The following CSNK1A1 variants were observed in gnomAD, a reference collection of about 807,000 sequenced individuals.
CSNK1A1 encodes the protein casein kinase 1 alpha 1, also known as casein kinase I isoform alpha.
CSNK1A1 carries 7 observed loss-of-function variants against 46.1 expected under a neutral mutation model. The observed-to-expected ratio is 0.15, with a 90% confidence interval of 0.09 to 0.29. The LOEUF is 0.29. Ranked by LOEUF, CSNK1A1 falls within the 10% of genes least tolerant of loss-of-function variation. CSNK1A1 has a pLI of 1.00. For synonymous variants in CSNK1A1, 137 were observed against 141.5 expected, an observed-to-expected ratio of 0.97 and a Z score of 0.23; for missense variants, 96 against 417.1, an observed-to-expected ratio of 0.23 and a Z score of 6.71.
intron 2 of CSNK1A1, among the ~76,000 whole-genome samples, chr5:149,539,927 G>A (rs1228179668): frequency 2.0e-5 from 3 of 152,036 alleles, no homozygotes; most frequent in African/African-American, 7.3e-5. Flanking sequence ...TGCAATGCCT[G>A]GATAATATTG....
rs149346325 is a variant in CSNK1A1, at chr5:149,495,744, TAAAAAAA to T, written c.*1102_*1108del. On this transcript the variant is annotated 3_prime_UTR_variant, in exon 10 of 10. Transcript: ENST00000377843. ...TACTAGATATTGTGCCTGCAAGTCATAAAAAAAAAAAAAAAAAAAGAAAAAAATGAAA... is the reference window on the plus strand; with the variant it reads ...TACTAGATATTGTGCCTGCAAGTCATAAAAAAAAAAAAGAAAAAAATGAAA... 3 of 92,750 alleles carry T rather than the reference TAAAAAAA, an allele frequency of 3.2e-5. No homozygotes were observed. Among genetic ancestry groups the T allele is most frequent in the Non-Finnish European group, 4.4e-5 (2 of 45,076 alleles). The allele number at this position is 92,750 out of a possible 1,614,324, so 5.7% of individuals were successfully genotyped here.
rs539134742 is a variant in CSNK1A1 at position 149,503,323 on chromosome 5, A to G, written c.1006+2124T>C. The G allele has an allele frequency of 4.1e-6, 4 of 985,414 alleles. No individual in the cohort carries two copies. The African/African-American group carries it at 5.2e-5, about 13-fold the overall frequency. The allele number at this position is 985,414 out of a possible 1,614,324, so 61.0% of individuals were successfully genotyped here. A position where few individuals can be genotyped will look rare whatever the true frequency, so the allele number is the denominator to read the frequency against. On this transcript the variant is annotated intron_variant, in intron 9 of 9. Transcript: ENST00000377843. ...ATGGTTTATGAGAGTTTCATGTAAG[A>G]TTTGTCTTGAGCACAAAGTTTTGTA...
In CSNK1A1 at chr5:149,520,391, G is replaced by A; in HGVS notation, c.358-3C>T. On this transcript the variant is annotated splice_polypyrimidine_tract_variant and splice_region_variant and intron_variant, in intron 3 of 9. Transcript: ENST00000377843. ...ACATATTCAATTCTACTGATCATCT[G>A]GAAAAAAAAGAAGGGAGAGATAATT... The A allele has an allele frequency of 6.5e-7, 1 of 1,531,790 alleles. No homozygotes were observed. Among genetic ancestry groups the A allele is most frequent in the Admixed American group, 1.8e-5 (1 of 56,370 alleles). The allele number at this position is 1,531,790 out of a possible 1,614,324, so 94.9% of individuals were successfully genotyped here.
At chr5:149,505,727 A>G (rs542273175) in intron 8 of CSNK1A1, 132 bp from the exon 9 acceptor site, 8 of 710,328 alleles carry the variant, frequency 1.1e-5, no homozygotes, top group African/African-American at 1.1e-4. Context: ...AGCTTCTAAA[A>G]TATTTCTTAT....
chr5:149,546,631 CAA>C (rs1184175774), intron 2 of CSNK1A1, among the ~76,000 whole-genome samples: 11 of 110,246 alleles, frequency 1.0e-4, no homozygotes, highest in Middle Eastern at 5.7e-3. Context: ...GACTCCATGT[CAA>C]AAAAAAAAAA....
chr5:149,545,651 T>C, intron 2 of CSNK1A1: 6 of 887,362 alleles, frequency 6.8e-6, no homozygotes, highest in Middle Eastern at 3.5e-4. Context: ...GCAAGTGCAC[T>C]CATTGCCTTG....
chr5:149,512,913 T>C (rs1761276495), intron 5 of CSNK1A1, among the ~76,000 whole-genome samples, 157 bp downstream of exon 5: 2 of 152,202 alleles, frequency 1.3e-5, no homozygotes, highest in Non-Finnish European at 2.9e-5. Context: ...CGGTCTTCTC[T>C]ACACTGGTTA....
intron 3 of CSNK1A1, among the ~76,000 whole-genome samples, chr5:149,524,631 C>T (rs1231439914): frequency 6.6e-6 from 1 of 152,076 alleles, no homozygotes; most frequent in African/African-American, 2.4e-5. Flanking sequence ...ACTTCAGGAC[C>T]TTTTTATCCT....
At chr5:149,520,826 A>G (rs1761544622) in intron 3 of CSNK1A1, among the ~76,000 whole-genome samples, 1 of 152,234 alleles carries the variant, frequency 6.6e-6, no homozygotes, top group South Asian at 2.1e-4. Flanking sequence ...ATGCACACAA[A>G]CAGATACACA....
At position 149,525,940 on chromosome 5, in the gene CSNK1A1, C is replaced by A. The variant is rs888760784; in HGVS notation, c.231-769G>T. Among the ~76,000 whole-genome samples, 3 of 152,060 alleles carry A rather than the reference C, an allele frequency of 2.0e-5. No individual in the cohort carries two copies. Among genetic ancestry groups the A allele is most frequent in the Non-Finnish European group, 4.4e-5 (3 of 68,024 alleles). The stretch of plus-strand genomic sequence containing the variant: ...AAACTTTTCTAGATATTAAATTCTG[C>A]TAAGAAAATCAGGTGATACTTAAAA... On this transcript the variant is annotated intron_variant, in intron 2 of 9. Transcript: ENST00000377843. The surrounding 1 kb of genome is among the most constrained non-coding windows in gnomAD (Gnocchi z 4.2).
intron 9 of CSNK1A1, 187 bp from the exon 10 acceptor site, chr5:149,497,047 T>C (rs1760675097): frequency 1.4e-6 from 2 of 1,412,808 alleles, no homozygotes; most frequent in Non-Finnish European, 1.8e-6. Context: ...TTAAAACTAA[T>C]TTTTTCTGTT....
intron 2 of CSNK1A1, among the ~76,000 whole-genome samples, chr5:149,537,235 G>A (rs912017481): frequency 2.0e-5 from 3 of 152,144 alleles, no homozygotes; most frequent in Admixed American, 6.6e-5. Flanking sequence ...AATTAGCCGG[G>A]TGCAGTAGTG....
intron 2 of CSNK1A1, among the ~76,000 whole-genome samples, chr5:149,533,997 T>C (rs1761975567): frequency 6.6e-6 from 1 of 152,154 alleles, no homozygotes; most frequent in Admixed American, 6.5e-5. Context: ...TATTCTAAAT[T>C]TGAATTATGG....
rs1462392939 is a variant in CSNK1A1 at position 149,498,251 on chromosome 5, C to A, written c.1007-1391G>T. 3.0e-6 allele frequency: 3 copies of A among 984,306 alleles called. No individual in the cohort carries two copies. In the African/African-American group the frequency reaches 5.3e-5, roughly 17 times the overall value. 61.0% of individuals were successfully genotyped at this position (984,306 alleles called of 1,614,324 possible). ...CCTTTTTTTTTTTGGGAAATAATAG[C>A]GAACATACAAGAGAGTAGGTGCATA... On this transcript the variant is annotated intron_variant, in intron 9 of 9. Transcript: ENST00000377843.
At chr5:149,533,589 T>G (rs944367603) in intron 2 of CSNK1A1, among the ~76,000 whole-genome samples, 2 of 152,170 alleles carry the variant, frequency 1.3e-5, no homozygotes, top group African/African-American at 4.8e-5. Flanking sequence ...TCATTTTTTC[T>G]TGGTTCCCAG....
At position 149,550,322 on chromosome 5, in the gene CSNK1A1, T is replaced by A. The variant is rs1220125763; in HGVS notation, c.124-141A>T. Reference sequence around the variant, plus strand: ...CTGGAAAGAGAAAGCTCTCGGTAATTATAAAACGAGGCAACCAGCCTCAAA... The same window carrying A: ...CTGGAAAGAGAAAGCTCTCGGTAATAATAAAACGAGGCAACCAGCCTCAAA... On this transcript the variant is annotated intron_variant, in intron 1 of 9. Transcript: ENST00000377843. This position sits in a 1 kb window ranked among gnomAD's most constrained non-coding sequence, Gnocchi z 4.3. 1.4e-6 allele frequency: 2 copies of A among 1,446,376 alleles called. No homozygotes were observed. Among genetic ancestry groups the A allele is most frequent in the Admixed American group, 2.8e-5 (1 of 36,096 alleles). The allele number at this position is 1,446,376 out of a possible 1,614,324, so 89.6% of individuals were successfully genotyped here.
intron 2 of CSNK1A1, chr5:149,549,436 A>ATC: frequency 1.4e-6 from 1 of 702,126 alleles, no homozygotes; most frequent in Non-Finnish European, 2.6e-6. Context: ...TCACTATGCC[A>ATC]TCTCCTTCCT....
At chr5:149,538,421 G>A (rs759527121) in intron 2 of CSNK1A1, among the ~76,000 whole-genome samples, 1 of 152,148 alleles carries the variant, frequency 6.6e-6, no homozygotes, top group Non-Finnish European at 1.5e-5. Context: ...ACTGTACAAG[G>A]TGTTGTATGT....
intron 2 of CSNK1A1, among the ~76,000 whole-genome samples, chr5:149,542,634 A>ATG (rs1762306419): frequency 9.6e-5 from 1 of 10,416 alleles, no homozygotes; most frequent in African/African-American, 6.8e-4. Context: ...ATATATATAT[A>ATG]TATATGTATA....
Sources: gnomAD v4.1 joint callset for allele counts (sites outside exome capture counted in the v4.1 genomes callset) on GRCh38, gnomAD v4.1.1 for gene constraint, Gnocchi (gnomAD v3.1) non-coding constraint, MANE v1.5 for transcripts, NCBI Gene and HGNC (gene_info 2026-07-23, HGNC 2026-07-21) for gene names.